LRRC37A2: variants seen among roughly 807,000 people sequenced by gnomAD.
LRRC37A2 encodes leucine-rich repeat-containing protein 37A2.
A neutral mutation model predicts 68.8 loss-of-function variants in LRRC37A2; 9 were observed. The ratio of observed to expected loss-of-function variants is 0.13; its 90% confidence interval spans 0.08 to 0.23. The LOEUF (loss-of-function observed/expected upper bound fraction) is 0.23. LRRC37A2 is among the 10% of genes least tolerant of loss of function. The pLI is 1.00. For missense variants in LRRC37A2, 168 were observed against 950.4 expected, an observed-to-expected ratio of 0.18 and a Z score of 10.82; for synonymous variants, 63 against 367.6, an observed-to-expected ratio of 0.17 and a Z score of 9.48.
At chr17:46,491,188 C>A in the LRRC37A2 span, among the ~76,000 whole-genome samples, 3 of 151,208 alleles carry the variant, frequency 2.0e-5, no homozygotes, top group African/African-American at 4.9e-5. Flanking sequence ...TGAGCCACTG[C>A]ACCTGGCACA....
chr17:46,804,962 G>A, the LRRC37A2 span, among the ~76,000 whole-genome samples: 2 of 127,874 alleles, frequency 1.6e-5, no homozygotes, highest in Non-Finnish European at 3.1e-5. Context: ...CCCTTGGGTC[G>A]CCTTCCATGC....
chr17:46,959,372 T>C, the LRRC37A2 span, among the ~76,000 whole-genome samples: 1 of 152,252 alleles, frequency 6.6e-6, no homozygotes, highest in Non-Finnish European at 1.5e-5. Context: ...AGTGTATTTC[T>C]TTTTGTCTGG....
the LRRC37A2 span, among the ~76,000 whole-genome samples, chr17:46,822,417 A>G: frequency 6.6e-6 from 1 of 152,234 alleles, no homozygotes; most frequent in Non-Finnish European, 1.5e-5. Context: ...GTAAGCGCAT[A>G]GTAGGTAAGC....
the LRRC37A2 span, among the ~76,000 whole-genome samples, chr17:46,839,482 T>C: frequency 6.6e-6 from 1 of 152,232 alleles, no homozygotes. Context: ...AACGCAGGCG[T>C]CAAGGCAGCC....
chr17:46,981,716 T>C, the LRRC37A2 span, among the ~76,000 whole-genome samples: 1 of 152,146 alleles, frequency 6.6e-6, no homozygotes, highest in Admixed American at 6.5e-5. Flanking sequence ...ATTTATTTAT[T>C]TTTATTTTGA....
chr17:47,014,486 G>A, the LRRC37A2 span, among the ~76,000 whole-genome samples: 1 of 152,118 alleles, frequency 6.6e-6, no homozygotes, highest in South Asian at 2.1e-4. Context: ...AGAATTTGGA[G>A]GATAATTTGT....
the LRRC37A2 span, among the ~76,000 whole-genome samples, chr17:46,852,238 T>A: frequency 6.6e-6 from 1 of 151,994 alleles, no homozygotes; most frequent in Admixed American, 6.6e-5. Flanking sequence ...CAGAGGATCG[T>A]GCGCGTCCAG....
chr17:46,936,486 A>G, the LRRC37A2 span: 1 of 985,318 alleles, frequency 1.0e-6, no homozygotes, highest in Non-Finnish European at 1.2e-6. Context: ...ACCTGTGGCT[A>G]CCTGGTGTTT....
At chr17:46,678,570 T>G in the LRRC37A2 span, among the ~76,000 whole-genome samples, 1 of 143,372 alleles carries the variant, frequency 7.0e-6, no homozygotes, top group East Asian at 2.1e-4. Flanking sequence ...AGAAAGAGGA[T>G]GAATCAAAAT....
the LRRC37A2 span, among the ~76,000 whole-genome samples, chr17:46,958,464 G>C: frequency 6.6e-6 from 1 of 152,348 alleles, no homozygotes; most frequent in African/African-American, 2.4e-5. Flanking sequence ...AGGAAGTGCT[G>C]ACGGCAGGAA....
the LRRC37A2 span, among the ~76,000 whole-genome samples, chr17:46,732,152 T>C: frequency 6.6e-6 from 1 of 152,228 alleles, no homozygotes; most frequent in African/African-American, 2.4e-5. Flanking sequence ...TGAGCATTTT[T>C]CTTTAAAAGG....
the LRRC37A2 span, among the ~76,000 whole-genome samples, chr17:46,870,916 T>C: frequency 6.7e-6 from 1 of 148,170 alleles, no homozygotes; most frequent in South Asian, 2.2e-4. Context: ...TTTTTTTTTT[T>C]TTTTTTTTTT....
At chr17:46,713,173 A>T in the LRRC37A2 span, 1 of 152,454 alleles carries the variant, frequency 6.6e-6, no homozygotes, top group South Asian at 2.1e-4. Flanking sequence ...TGTCAGATAG[A>T]CTAGAACATG....
the LRRC37A2 span, chr17:46,931,514 G>A: frequency 6.8e-6 from 3 of 440,138 alleles, no homozygotes; most frequent in Non-Finnish European, 1.2e-5. Context: ...TGTTGCCATG[G>A]AGTTTTGTTC....
chr17:46,748,307 C>T, the LRRC37A2 span, among the ~76,000 whole-genome samples: 38 of 152,140 alleles, frequency 2.5e-4, 1 homozygote, highest in Admixed American at 1.5e-3. Flanking sequence ...GATGGGGTTT[C>T]GCCATGTTGG....
chr17:46,492,734 C>T, the LRRC37A2 span, among the ~76,000 whole-genome samples: 1 of 139,320 alleles, frequency 7.2e-6, no homozygotes, highest in Non-Finnish European at 1.5e-5. Context: ...GGCTCTGTCA[C>T]CCAGGCTGGA....
the LRRC37A2 span, among the ~76,000 whole-genome samples, chr17:46,458,164 A>G: frequency 1.2e-5 from 1 of 85,440 alleles, no homozygotes; most frequent in African/African-American, 3.8e-5. Flanking sequence ...TTATGTGCCA[A>G]TTAAACACAA....
At chr17:46,991,354 C>T in the LRRC37A2 span, among the ~76,000 whole-genome samples, 3 of 152,204 alleles carry the variant, frequency 2.0e-5, no homozygotes, top group South Asian at 2.1e-4. Flanking sequence ...AGGCCAGGCA[C>T]GGTGGTTCAC....
the LRRC37A2 span, among the ~76,000 whole-genome samples, chr17:46,792,185 T>A: frequency 4.6e-5 from 7 of 152,318 alleles, no homozygotes; most frequent in Admixed American, 3.9e-4. Flanking sequence ...CCAGTTAAGG[T>A]TCCCCCAGGA....
Sources: gnomAD v4.1 joint callset for allele counts (sites outside exome capture counted in the v4.1 genomes callset) on GRCh38, gnomAD v4.1.1 for gene constraint, MANE v1.5 for transcripts, NCBI Gene and HGNC (gene_info 2026-07-23, HGNC 2026-07-21) for gene names.